The following CCDC180 variants were observed in gnomAD, a reference collection of about 807,000 sequenced individuals.
The protein encoded by CCDC180 is coiled-coil domain-containing protein 180.
In CCDC180, 154 loss-of-function variants were observed where a neutral mutation model predicts 209.2. That is an observed-to-expected ratio of 0.74 (90% CI 0.65 to 0.84). CCDC180 has a LOEUF of 0.84. Ranked by LOEUF, CCDC180 falls within the 40% of genes least tolerant of loss-of-function variation. The pLI is 0.00. For missense variants in CCDC180, 1,874 were observed against 1,997.3 expected (o/e 0.94, Z 1.18); for synonymous variants, 778 against 749.1 (o/e 1.04, Z -0.63).
At chr9:97,340,009 C>T (rs1169306726) in intron 18 of CCDC180, among the ~76,000 whole-genome samples, 1 of 152,208 alleles carries the variant, frequency 6.6e-6, no homozygotes, top group Non-Finnish European at 1.5e-5. Context: ...TCAGCTCCAC[C>T]AGGTCATTTA....
chr9:97,355,824 C>A (rs1208950355), intron 24 of CCDC180, among the ~76,000 whole-genome samples: 1 of 152,114 alleles, frequency 6.6e-6, no homozygotes, highest in African/African-American at 2.4e-5. Flanking sequence ...GAAGTAGGAA[C>A]CAGCCAGGTA....
rs775507257 is a variant in CCDC180, at chr9:97,317,060, C to T, written c.796-5C>T. The T allele has an allele frequency of 1.2e-6, 2 of 1,606,240 alleles. No individual in the cohort carries two copies. Among genetic ancestry groups the T allele is most frequent in the East Asian group, 4.5e-5 (2 of 44,686 alleles). On this transcript the variant is annotated splice_region_variant and splice_polypyrimidine_tract_variant and intron_variant, in intron 8 of 36. Transcript: ENST00000529487. The stretch of plus-strand genomic sequence containing the variant: ...GTCTAGAGCCCTGCCCATCTGTGAC[C>T]ACAGGTCATGAACTATGCCCTGCTG...
At chr9:97,372,532 C>T (rs369488578) in intron 34 of CCDC180, 2 of 152,132 alleles carry the variant, frequency 1.3e-5, no homozygotes, top group African/African-American at 4.8e-5. Flanking sequence ...TTTGAAATGG[C>T]AAAGAATTGG....
chr9:97,345,816 C>T (rs1826249560), intron 19 of CCDC180: 1 of 162,770 alleles, frequency 6.1e-6, no homozygotes, highest in Middle Eastern at 2.9e-3. Context: ...AAATGTTCAT[C>T]CCCTCTCTGC....
rs1325599586 is a variant in CCDC180 at position 97,366,247 on chromosome 9, C to T, written c.4048-312C>T. On this transcript the variant is annotated intron_variant, in intron 30 of 36. Coordinates refer to ENST00000529487, the MANE Select transcript of CCDC180 (RefSeq NM_020893.6). The surrounding 1 kb of genome is among the most constrained non-coding windows in gnomAD (Gnocchi z 4.3). Reference sequence around the variant, plus strand: ...GCAGCCTATACCCAGCTTGGCACTTCCTTGTAAGCTCCCAACCTGGTCACC... The same window carrying T: ...GCAGCCTATACCCAGCTTGGCACTTTCTTGTAAGCTCCCAACCTGGTCACC... Among the ~76,000 whole-genome samples, 1 of 152,232 alleles carries T rather than the reference C, an allele frequency of 6.6e-6. No homozygotes were observed. The highest frequency in any genetic ancestry group is 2.4e-5 in the African/African-American group (1 of 41,460).
intron 18 of CCDC180, among the ~76,000 whole-genome samples, chr9:97,339,468 G>T (rs1037828480): frequency 6.6e-6 from 1 of 152,074 alleles, no homozygotes; most frequent in African/African-American, 2.4e-5. Context: ...TTTTCTTTAA[G>T]AATATTGAAT....
intron 36 of CCDC180, 105 bp downstream of exon 36, chr9:97,375,694 A>T: frequency 7.1e-7 from 1 of 1,414,088 alleles, no homozygotes. Flanking sequence ...TGGCTGGTGC[A>T]GCAGGCAACA....
At chr9:97,323,592 C>T (rs1291885168) in intron 12 of CCDC180, among the ~76,000 whole-genome samples, 189 bp from the exon 13 acceptor site, 1 of 152,214 alleles carries the variant, frequency 6.6e-6, no homozygotes, top group Non-Finnish European at 1.5e-5. Context: ...CCCGAGAGCT[C>T]CTGCATGCCT....
Position 97,325,074 on chromosome 9 carries a change from A to G in CCDC180, c.1427A>G (p.Lys476Arg), listed in dbSNP as rs150163283. 40 of 1,613,950 alleles carry G rather than the reference A, an allele frequency of 2.5e-5. No homozygotes were observed. Among genetic ancestry groups the G allele is most frequent in the Middle Eastern group, 1.6e-4 (1 of 6,082 alleles). The change falls in exon 14 of 37, where the codon AAG becomes AGG. Residue 476 changes from lysine to arginine, a missense_variant. Transcript: ENST00000529487. ...QTEWQSSHLF[K>R]YFQEVVQLWE... ...GAGTGGCAGAGTTCACACCTCTTCA[A>G]GTATTTCCAGGAGGTGGTACAACTG... is the stretch of plus-strand genomic sequence containing the variant.
At chr9:97,315,065 T>C in intron 8 of CCDC180, 119 bp downstream of exon 8, 1 of 707,680 alleles carries the variant, frequency 1.4e-6, no homozygotes, top group Non-Finnish European at 2.4e-6. Context: ...ATCTATAACG[T>C]TTCTAAGGGG....
intron 4 of CCDC180, among the ~76,000 whole-genome samples, chr9:97,313,007 A>G (rs1833041242): frequency 1.3e-5 from 2 of 152,092 alleles, no homozygotes; most frequent in Admixed American, 1.3e-4. Context: ...TTCTGTGCAT[A>G]CTATTTTGGA....
In CCDC180 at chr9:97,338,467, C is replaced by A. The variant is rs139444994; in HGVS notation, c.2275-4873C>A. Among the ~76,000 whole-genome samples the A allele has an allele frequency of 7.0e-3, 1,063 of 152,184 alleles. 20 individuals carry two copies. The highest frequency in any genetic ancestry group is 0.025 in the African/African-American group (1,017 of 41,496). On this transcript the variant is annotated intron_variant, in intron 18 of 36. Coordinates refer to ENST00000529487, the MANE Select transcript of CCDC180 (RefSeq NM_020893.6). ...GTTGTTCTGTTTCCATGGAGTTGTGCGGTTTTGAGTGAGTTTCTTAATCCT... is the reference window on the plus strand; with the variant it reads ...GTTGTTCTGTTTCCATGGAGTTGTGAGGTTTTGAGTGAGTTTCTTAATCCT...
At chr9:97,348,122 G>A (rs78114535) in intron 20 of CCDC180, among the ~76,000 whole-genome samples, 3 of 20,746 alleles carry the variant, frequency 1.4e-4, no homozygotes, top group African/African-American at 1.6e-3. Flanking sequence ...TGCGGGGCGG[G>A]GGGGGGGCAT....
intron 18 of CCDC180, among the ~76,000 whole-genome samples, chr9:97,334,414 A>G (rs2118715706): frequency 6.6e-6 from 1 of 152,364 alleles, no homozygotes. Flanking sequence ...TGTATAGACA[A>G]CGAATCTGAG....
intron 22 of CCDC180, among the ~76,000 whole-genome samples, chr9:97,354,353 C>A (rs1826504824): frequency 6.6e-6 from 1 of 152,150 alleles, no homozygotes; most frequent in Non-Finnish European, 1.5e-5. Flanking sequence ...TCAGTTGGGT[C>A]TGTTAGAGTC....
intron 16 of CCDC180, among the ~76,000 whole-genome samples, chr9:97,329,130 C>A (rs1480067693): frequency 6.6e-6 from 1 of 152,184 alleles, no homozygotes; most frequent in Non-Finnish European, 1.5e-5. Context: ...AGAAGAGATT[C>A]CTGTTTAGAT....
intron 18 of CCDC180, among the ~76,000 whole-genome samples, chr9:97,341,045 G>A (rs1434820745): frequency 1.3e-5 from 2 of 152,230 alleles, no homozygotes; most frequent in East Asian, 3.9e-4. Flanking sequence ...AAATAATGGT[G>A]TAAGCTGTCT....
Position 97,314,938 on chromosome 9 carries a change from G to C in CCDC180, c.787G>C (p.Glu263Gln). The C allele has an allele frequency of 1.2e-6, 2 of 1,613,764 alleles. No individual in the cohort carries two copies. The highest frequency in any genetic ancestry group is 1.7e-6 in the Non-Finnish European group (2 of 1,179,670). The change falls in exon 8 of 37, where the codon GAA becomes CAA. Residue 263 changes from glutamate to glutamine, a missense_variant. Glu to Gln is a conservative substitution (Grantham distance 29). Coordinates refer to ENST00000529487, the MANE Select transcript of CCDC180 (RefSeq NM_020893.6). ...RPEVYRLINEEAMVMNYALLG... is the reference protein window; with the variant it reads ...RPEVYRLINEQAMVMNYALLG... ...CGAAGTGTACAGGCTGATAAATGAA[G>C]AAGCCATGGTGAGTGGTTTTCCTGT... is the stretch of plus-strand genomic sequence containing the variant.
chr9:97,343,656 C>G, intron 19 of CCDC180, 93 bp downstream of exon 19: 1 of 987,372 alleles, frequency 1.0e-6, no homozygotes, highest in Non-Finnish European at 1.5e-6. Context: ...GGGCTGGTAT[C>G]AGTTGGATAA....
Sources: allele counts gnomAD v4.1 joint callset (sites outside exome capture counted in the v4.1 genomes callset), GRCh38; gene constraint gnomAD v4.1.1; non-coding constraint Gnocchi (gnomAD v3.1); transcripts MANE v1.5; gene names NCBI Gene and HGNC (gene_info 2026-07-23, HGNC 2026-07-21).